Variants in ABCA13 observed in about 807,000 individuals in gnomAD.
ABCA13 encodes the protein ATP binding cassette subfamily A member 13.
In ABCA13, 476 loss-of-function variants were observed where a neutral mutation model predicts 478.7. The observed-to-expected ratio is 0.99, with a 90% CI of 0.92 to 1.07. The LOEUF is 1.07. Ranked by LOEUF, ABCA13 falls within the 50% of genes least tolerant of loss-of-function variation. ABCA13 has a pLI of 0.00. For missense variants in ABCA13, 6,060 were observed against 5,910.6 expected (o/e 1.03, Z -0.83); for synonymous variants, 2,252 against 2,158.9 (o/e 1.04, Z -1.20).
intron 56 of ABCA13, among the ~76,000 whole-genome samples, chr7:48,580,843 T>C (rs73694683): frequency 6.6e-6 from 1 of 151,978 alleles, no homozygotes; most frequent in Non-Finnish European, 1.5e-5. Context: ...GCCAGGGGAT[T>C]CCTTCTGCCA....
intron 48 of ABCA13, 86 bp downstream of exon 48, chr7:48,489,430 A>G (rs966715539): frequency 1.7e-6 from 2 of 1,195,122 alleles, no homozygotes; most frequent in African/African-American, 3.1e-5. Context: ...GTTTCTGAAT[A>G]GAAATGTGAG....
At chr7:48,304,271 G>C (rs564312470) in intron 23 of ABCA13, among the ~76,000 whole-genome samples, 4 of 152,216 alleles carry the variant, frequency 2.6e-5, no homozygotes, top group Non-Finnish European at 5.9e-5. Flanking sequence ...GGAACAGGGA[G>C]AGAGGGAACT....
At chr7:48,483,334 T>C (rs554402773) in intron 47 of ABCA13, among the ~76,000 whole-genome samples, 171 bp downstream of exon 47, 1 of 152,198 alleles carries the variant, frequency 6.6e-6, no homozygotes, top group Non-Finnish European at 1.5e-5. Context: ...AAATGGCTTG[T>C]TTTTCTTTAG....
At chr7:48,373,040 T>G (rs1374610759) in intron 33 of ABCA13, among the ~76,000 whole-genome samples, 1 of 152,180 alleles carries the variant, frequency 6.6e-6, no homozygotes. Flanking sequence ...GCGCAGTGCC[T>G]GACACATAGT....
chr7:48,363,728 C>T (rs1811242348), intron 31 of ABCA13, among the ~76,000 whole-genome samples: 1 of 151,886 alleles, frequency 6.6e-6, no homozygotes, highest in Non-Finnish European at 1.5e-5. Context: ...TTTTATTCTC[C>T]TTTGTCTGAT....
chr7:48,514,006 A>G (rs1469682990), intron 51 of ABCA13, among the ~76,000 whole-genome samples: 2 of 152,232 alleles, frequency 1.3e-5, no homozygotes, highest in Non-Finnish European at 2.9e-5. Flanking sequence ...AAATATTTAA[A>G]TGACATAACC....
chr7:48,330,030 TATCCATCCATCC>T (rs59122878), intron 27 of ABCA13, among the ~76,000 whole-genome samples: 3,997 of 139,686 alleles, frequency 0.029, 101 homozygotes, highest in African/African-American at 0.071. Flanking sequence ...TTGATCTATT[TATCCATCCATCC>T]ATCCATCCAT....
At chr7:48,397,415 A>G (rs918604167) in intron 38 of ABCA13, among the ~76,000 whole-genome samples, 1 of 152,106 alleles carries the variant, frequency 6.6e-6, no homozygotes, top group Non-Finnish European at 1.5e-5. Context: ...GTAATTTGCA[A>G]TATATACTCA....
At chr7:48,365,146 AT>A (rs1811476262) in intron 31 of ABCA13, among the ~76,000 whole-genome samples, 1 of 151,882 alleles carries the variant, frequency 6.6e-6, no homozygotes. Context: ...TTTGATTTGC[AT>A]TTTTTTGATG....
At chr7:48,408,416 A>G (rs1818554727) in intron 39 of ABCA13, among the ~76,000 whole-genome samples, 1 of 152,210 alleles carries the variant, frequency 6.6e-6, no homozygotes, top group African/African-American at 2.4e-5. Flanking sequence ...TAGATCAGGG[A>G]TTAAGCAAAT....
In ABCA13 at chr7:48,272,574, C is replaced by T. The variant is rs372885026; in HGVS notation, c.2908C>T (p.Arg970Ter). 31 of 1,613,408 alleles carry T rather than the reference C, an allele frequency of 1.9e-5. No homozygotes were observed. The highest frequency in any genetic ancestry group is 7.7e-5 in the South Asian group (7 of 91,066). The change falls in exon 17 of 62, where the codon CGA becomes TGA. Residue 970 changes from arginine (R) to a stop codon, truncating the protein, a stop_gained. Transcript: ENST00000435803. LOFTEE classifies it high-confidence loss of function. The stretch of plus-strand genomic sequence containing the variant: ...TCTGCAAATTTATTCTTCATTTTAC[C>T]GATATATTTATGAATTATTGAATAT... ...LLLQIYSSFYRYIYELLNIQS... is the reference protein window; with the variant it reads ...LLLQIYSSFY
At chr7:48,241,667 A>G (rs553591919) in intron 10 of ABCA13, among the ~76,000 whole-genome samples, 22 of 152,322 alleles carry the variant, frequency 1.4e-4, no homozygotes, top group Non-Finnish European at 2.9e-4. Flanking sequence ...GTCTTTGGAA[A>G]AGAAGAATAT....
chr7:48,338,844 A>G (rs1465728222), intron 29 of ABCA13, among the ~76,000 whole-genome samples: 2 of 152,226 alleles, frequency 1.3e-5, no homozygotes, highest in Non-Finnish European at 2.9e-5. Context: ...AACATTACCT[A>G]TCAGTAAACA....
intron 31 of ABCA13, among the ~76,000 whole-genome samples, chr7:48,366,218 T>G (rs1434082917): frequency 6.6e-6 from 1 of 152,148 alleles, no homozygotes; most frequent in Non-Finnish European, 1.5e-5. Context: ...CGTGTTCTGC[T>G]TGCTCCAACC....
At chr7:48,431,900 T>C (rs1194262696) in intron 42 of ABCA13, among the ~76,000 whole-genome samples, 3 of 152,194 alleles carry the variant, frequency 2.0e-5, no homozygotes. Context: ...AATAACCTCT[T>C]CTGTATTTTT....
At position 48,516,741 on chromosome 7, in the gene ABCA13, T is replaced by C. The variant is rs1192638897; in HGVS notation, c.13657T>C (p.Trp4553Arg). ...LSLFGYATLP[W>R]MYLMSRIFSS... ...ACTTTTCAGATATGCAACTCTTCCA[T>C]GGATGTACCTGATGTCCAGAATCTT... The change falls in exon 52 of 62, where the codon TGG becomes CGG. Residue 4553 changes from tryptophan to arginine, a missense_variant. Coordinates refer to ENST00000435803, the MANE Select transcript of ABCA13 (RefSeq NM_152701.5). 2 of 1,613,538 alleles carry C rather than the reference T, an allele frequency of 1.2e-6. No homozygotes were observed. The highest frequency in any genetic ancestry group is 2.7e-5 in the African/African-American group (2 of 74,922).
In ABCA13 at chr7:48,279,017, T is replaced by A; in HGVS notation, c.7823T>A (p.Ile2608Lys). Residue 2608 changes from isoleucine (I) to lysine (K), a missense_variant, in exon 18 of 62, where the codon ATA (isoleucine) becomes AAA (lysine). Around this residue, in one of 3 missense-constraint regions of ABCA13, gnomAD observed 4,423 missense variants for 4,309.1 expected, o/e 1.03. Transcript: ENST00000435803. The stretch of plus-strand genomic sequence containing the variant: ...GAAATGATTGGGGTAGAACCTTATA[T>A]ATCATCAAACTCTGATATTTTCAGT... ...AFEMIGVEPY[I>K]SSNSDIFSMS... is the part of the protein sequence containing the mutation. 1 of 1,613,374 alleles carries A rather than the reference T, an allele frequency of 6.2e-7. No homozygotes were observed. Among genetic ancestry groups the A allele is most frequent in the Non-Finnish European group, 8.5e-7 (1 of 1,179,802 alleles).
Position 48,524,389 on chromosome 7 carries a change from C to G in ABCA13, c.14193C>G (p.Phe4731Leu). 6.2e-7 allele frequency: 1 copy of G among 1,613,080 alleles called. No homozygotes were observed. The highest frequency in any genetic ancestry group is 8.5e-7 in the Non-Finnish European group (1 of 1,179,486). The stretch of plus-strand genomic sequence containing the variant: ...TTAGTAAACATTATCGACGCTTTTT[C>G]CAGAATATTATTGCTGTGCAAGATA... ...YNLSKHYRRFFQNIIAVQDIS... is the reference protein window; with the variant it reads ...YNLSKHYRRFLQNIIAVQDIS... Residue 4731 changes from phenylalanine (F) to leucine (L), a missense_variant, in exon 54 of 62, where the codon TTC becomes TTG. By Grantham distance (22) the Phe-to-Leu change is conservative. This residue lies in a region of ABCA13 where 1,627 missense variants were observed against 1,571.0 expected (regional missense o/e 1.04). Coordinates refer to ENST00000435803, the MANE Select transcript of ABCA13 (RefSeq NM_152701.5).
chr7:48,489,400 A>C (rs1264619031), intron 48 of ABCA13, 56 bp downstream of exon 48: 1 of 1,411,334 alleles, frequency 7.1e-7, no homozygotes, highest in Non-Finnish European at 9.6e-7. Flanking sequence ...AATGTTTTTA[A>C]AAGTGAAAGA....
Sources: gnomAD v4.1 joint callset for allele counts (sites outside exome capture counted in the v4.1 genomes callset) on GRCh38, gnomAD v4.1.1 for gene constraint, gnomAD v4.1.1 regional missense constraint, MANE v1.5 for transcripts, NCBI Gene and HGNC (gene_info 2026-07-23, HGNC 2026-07-21) for gene names.